Variants in TCOF1 observed in about 807,000 individuals in gnomAD.
The protein encoded by TCOF1 is treacle protein.
Under a neutral mutation model 149.0 loss-of-function variants are expected in TCOF1, and 33 were observed. The ratio of observed to expected loss-of-function variants is 0.22; its 90% CI spans 0.17 to 0.30. The LOEUF (loss-of-function observed/expected upper bound fraction) is 0.30. TCOF1 is among the 10% of genes least tolerant of loss of function. The pLI is 1.00. For synonymous variants in TCOF1, 789 were observed against 738.8 expected, an observed-to-expected ratio of 1.07 and a Z score of -1.10; for missense variants, 1,728 against 1,840.7, an observed-to-expected ratio of 0.94 and a Z score of 1.12.
chr5:150,375,095 G>T lies in TCOF1; in HGVS notation c.1420G>T (p.Asp474Tyr). 1 of 1,614,164 alleles carries T rather than the reference G, an allele frequency of 6.2e-7. No homozygotes were observed. Among genetic ancestry groups the T allele is most frequent in the African/African-American group, 1.3e-5 (1 of 75,056 alleles). The change falls in exon 10 of 27, where the codon GAC becomes TAC. Residue 474 changes from aspartate (D) to tyrosine (Y), a missense_variant. Physicochemically the swap from Asp to Tyr is radical, Grantham distance 160 (BLOSUM62 -3). Around this residue, in one of 2 missense-constraint regions of TCOF1, gnomAD observed 1,696 missense variants for 1,765.4 expected, o/e 0.96. Coordinates refer to ENST00000643257, the MANE Select transcript of TCOF1 (RefSeq NM_001371623.1). ...AQVQVGKQEE[D>Y]SRSSSEESDS... ...GGTCCAGGTGGGGAAGCAGGAGGAG[G>T]ACTCAAGAAGCAGCAGCGAGGAGTC...
intron 19 of TCOF1, among the ~76,000 whole-genome samples, chr5:150,390,820 A>G (rs1394017611): frequency 1.3e-5 from 2 of 152,174 alleles, no homozygotes; most frequent in Non-Finnish European, 2.9e-5. Flanking sequence ...CCCTAGGGAT[A>G]CTGCAGGAAC....
At position 150,375,805 on chromosome 5, in the gene TCOF1, G is replaced by A. The variant is rs147742838; in HGVS notation, c.1789G>A (p.Val597Ile). ...GPPQKAGPVA[V>I]QVKAEKPMDN... Reference sequence around the variant, plus strand: ...CCCTCAGAAGGCAGGGCCTGTAGCCGTCCAGGTCAAGGCTGAAAAGCCCAT... The same window carrying A: ...CCCTCAGAAGGCAGGGCCTGTAGCCATCCAGGTCAAGGCTGAAAAGCCCAT... The change falls in exon 12 of 27, where the codon GTC becomes ATC. Residue 597 changes from valine (V) to isoleucine (I), a missense_variant. Physicochemically the swap from Val to Ile is conservative, Grantham distance 29 (BLOSUM62 3). Coordinates refer to ENST00000643257, the MANE Select transcript of TCOF1 (RefSeq NM_001371623.1). 4.8e-5 allele frequency: 78 copies of A among 1,614,114 alleles called. 1 individual carries two copies. Among genetic ancestry groups the A allele is most frequent in the South Asian group, 3.6e-4 (33 of 91,090 alleles).
intron 2 of TCOF1, among the ~76,000 whole-genome samples, chr5:150,362,260 G>A (rs1297152125): frequency 6.6e-6 from 1 of 152,160 alleles, no homozygotes; most frequent in Non-Finnish European, 1.5e-5. Flanking sequence ...CAAGGAAGGG[G>A]GAATCATCCA....
chr5:150,396,935 C>G, intron 24 of TCOF1, 93 bp downstream of exon 24: 1 of 1,431,982 alleles, frequency 7.0e-7, no homozygotes, highest in Non-Finnish European at 9.6e-7. Context: ...TCTCATTCCT[C>G]CCATGTAGAA....
Position 150,374,348 on chromosome 5 carries a change from A to G in TCOF1, c.1045A>G (p.Ser349Gly), listed in dbSNP as rs763919102. ...GAGCAGCAGCGAGGAGTCATCTGAC[A>G]GTGAGGAGGAGACGCCAGCTGCCAA... The part of the protein sequence containing the change: ...SESSSEESSD[S>G]EEETPAAKAL... The change falls in exon 8 of 27, where the codon AGT becomes GGT. Residue 349 changes from serine (S) to glycine (G), a missense_variant. By Grantham distance (56) the Ser-to-Gly change is moderately conservative (BLOSUM62 0). Around this residue, in one of 2 missense-constraint regions of TCOF1, gnomAD observed 1,696 missense variants for 1,765.4 expected, o/e 0.96. Coordinates refer to ENST00000643257, the MANE Select transcript of TCOF1 (RefSeq NM_001371623.1). The G allele has an allele frequency of 4.6e-5, 72 of 1,561,700 alleles. No individual in the cohort carries two copies. In the East Asian group the frequency reaches 1.7e-3, roughly 37 times the overall value.
intron 19 of TCOF1, among the ~76,000 whole-genome samples, chr5:150,391,037 G>A (rs1294721460): frequency 6.6e-6 from 1 of 152,230 alleles, no homozygotes; most frequent in Non-Finnish European, 1.5e-5. Context: ...CACAGGATGA[G>A]CTGGGCCACC....
rs948601159 is a variant in TCOF1, at chr5:150,359,808, A to G, written c.109-1348A>G. Among the ~76,000 whole-genome samples, 4 of 152,208 alleles carry G rather than the reference A, an allele frequency of 2.6e-5. No individual in the cohort carries two copies. The South Asian group carries it at 6.2e-4, about 24-fold the overall frequency. On this transcript the variant is annotated intron_variant, in intron 1 of 26. Coordinates refer to ENST00000643257, the MANE Select transcript of TCOF1 (RefSeq NM_001371623.1). ...AAGTTTAATAAGTTAATGATATAGT[A>G]TATCCAATGATAGTTGGTGCTTGCT...
At chr5:150,384,589 C>T (rs944136620) in intron 17 of TCOF1, 3 of 985,364 alleles carry the variant, frequency 3.0e-6, no homozygotes, top group Non-Finnish European at 3.6e-6. Flanking sequence ...CCCCCTTTCT[C>T]TGTGGGGGTG....
In TCOF1 at chr5:150,388,015, G is replaced by A. The variant is rs1208856937; in HGVS notation, c.2973G>A (p.Glu991=). Residue 991 remains glutamate (E), a synonymous_variant, in exon 18 of 27, where the codon GAG becomes GAA. Transcript: ENST00000643257. ...CCCCGAGGAAGGCCCGAGCCTCGGA[G>A]AGCACAGCCAGGAGCTCCTCCTCCG... ...ASTPRKARAS[E]STARSSSSES... The A allele has an allele frequency of 6.2e-7, 1 of 1,613,864 alleles. No homozygotes were observed. The highest frequency in any genetic ancestry group is 8.5e-7 in the Non-Finnish European group (1 of 1,180,040).
rs587776583 is a variant in TCOF1, at chr5:150,375,484, CAG to C, written c.1639_1640del (p.Ser547GlnfsTer2). The C allele has an allele frequency of 6.2e-7, 1 of 1,614,040 alleles. No individual in the cohort carries two copies. The highest frequency in any genetic ancestry group is 1.3e-5 in the African/African-American group (1 of 74,928). On this transcript the variant is annotated frameshift_variant, in exon 11 of 27. Coordinates refer to ENST00000643257, the MANE Select transcript of TCOF1 (RefSeq NM_001371623.1). LOFTEE classifies it high-confidence loss of function. ...CAGGTGGGGAAGTGGGAGGAGGACTCAGAGAGCAGTAGTGAGGAGTCATCAGA... is the reference window on the plus strand; with the variant it reads ...CAGGTGGGGAAGTGGGAGGAGGACTCAGAGCAGTAGTGAGGAGTCATCAGA...
At chr5:150,370,722 T>C (rs1011245034) in intron 6 of TCOF1, among the ~76,000 whole-genome samples, 2 of 152,182 alleles carry the variant, frequency 1.3e-5, no homozygotes, top group Non-Finnish European at 2.9e-5. Flanking sequence ...AGTGCAGCAC[T>C]CTGGGAGGCC....
rs574602226 is a variant in TCOF1 at position 150,364,130 on chromosome 5, G to A, written c.182G>A (p.Arg61Gln). The A allele has an allele frequency of 1.7e-5, 28 of 1,614,104 alleles. No individual in the cohort carries two copies. Among genetic ancestry groups the A allele is most frequent in the East Asian group, 4.5e-5 (2 of 44,886 alleles). Reference sequence around the variant, plus strand: ...TCCTGCAGAACCTCAGAGCTTGGTCGGAAGCGGAAGGCAGAGGAAGATGCG... The same window carrying A: ...TCCTGCAGAACCTCAGAGCTTGGTCAGAAGCGGAAGGCAGAGGAAGATGCG... ...THWQQTSELG[R>Q]KRKAEEDAAL... is the part of the protein sequence containing the mutation. The change falls in exon 3 of 27, where the codon CGG (arginine) becomes CAG (glutamine). Residue 61 changes from arginine to glutamine, a missense_variant. By Grantham distance (43) the Arg-to-Gln change is conservative (BLOSUM62 1). This residue lies in a region of TCOF1 where 1,696 missense variants were observed against 1,765.4 expected (regional missense o/e 0.96). Coordinates refer to ENST00000643257, the MANE Select transcript of TCOF1 (RefSeq NM_001371623.1).
rs779040869 is a variant in TCOF1, at chr5:150,379,600, A to G, written c.2727A>G (p.Lys909=). The part of the protein sequence containing the change: ...ALAPAKESPR[K]GAAPTPPGKT... ...CTCCTGCCAAGGAGTCCCCCAGGAA[A>G]GGGGCTGCCCCAACACCTCCTGGGA... Residue 909 remains lysine, a synonymous_variant, in exon 17 of 27, where the codon AAA becomes AAG. Transcript: ENST00000643257. 3.7e-6 allele frequency: 6 copies of G among 1,614,200 alleles called. No individual in the cohort carries two copies. The highest frequency in any genetic ancestry group is 3.3e-5 in the Admixed American group (2 of 60,034).
At chr5:150,362,679 A>G (rs1351239277) in intron 2 of TCOF1, among the ~76,000 whole-genome samples, 8 of 152,102 alleles carry the variant, frequency 5.3e-5, no homozygotes, top group Admixed American at 1.3e-4. Context: ...TCTGGTGGAG[A>G]GCTAAGGTCT....
At chr5:150,364,520 T>G (rs1403538595) in intron 3 of TCOF1, among the ~76,000 whole-genome samples, 1 of 152,176 alleles carries the variant, frequency 6.6e-6, no homozygotes, top group East Asian at 1.9e-4. Flanking sequence ...AGCTGCCCTA[T>G]TACAGGCTCC....
Position 150,392,035 on chromosome 5 carries a change from A to G in TCOF1, c.3376A>G (p.Arg1126Gly). 1 of 1,614,076 alleles carries G rather than the reference A, an allele frequency of 6.2e-7. No homozygotes were observed. The highest frequency in any genetic ancestry group is 8.5e-7 in the Non-Finnish European group (1 of 1,179,878). The change falls in exon 21 of 27, where the codon AGA becomes GGA. Residue 1126 changes from arginine to glycine, a missense_variant. Physicochemically the swap from Arg to Gly is moderately radical, Grantham distance 125. Coordinates refer to ENST00000643257, the MANE Select transcript of TCOF1 (RefSeq NM_001371623.1). Reference sequence around the variant, plus strand: ...CCAGGCCAAAGGGACCAACAAGCTCAGAAAACCTAAGCTTCCTGAGGTCCA... The same window carrying G: ...CCAGGCCAAAGGGACCAACAAGCTCGGAAAACCTAAGCTTCCTGAGGTCCA... Reference protein sequence around the residue: ...SVQAKGTNKLRKPKLPEVQQA... With the variant: ...SVQAKGTNKLGKPKLPEVQQA...
At chr5:150,364,467 C>T (rs994224944) in intron 3 of TCOF1, among the ~76,000 whole-genome samples, 17 of 152,200 alleles carry the variant, frequency 1.1e-4, no homozygotes, top group African/African-American at 3.6e-4. Flanking sequence ...ACCAAAACAA[C>T]CAGATGGGCC....
chr5:150,389,975 G>A lies in TCOF1; in HGVS notation c.3135G>A (p.Glu1045=). Residue 1045 remains glutamate (E), a synonymous_variant, in exon 19 of 27, where the codon GAG becomes GAA. Coordinates refer to ENST00000643257, the MANE Select transcript of TCOF1 (RefSeq NM_001371623.1). ...ASMAGASSSK[E]SSRISDGKKQ... ...TGGCTGGGGCCAGCAGCAGCAAGGA[G>A]TCCAGTCGGATATCAGATGGCAAGA... 1.2e-6 allele frequency: 2 copies of A among 1,614,110 alleles called. No homozygotes were observed. Among genetic ancestry groups the A allele is most frequent in the Non-Finnish European group, 1.7e-6 (2 of 1,180,012 alleles).
Position 150,379,389 on chromosome 5 carries a change from A to T in TCOF1, c.2639A>T (p.Glu880Val), listed in dbSNP as rs748490887. The part of the protein sequence containing the change: ...SSEEESDSEE[E>V]AETLAQVKPS... ...GAGGAGGAGTCAGACAGTGAGGAGG[A>T]GGCGGAGACGCTGGCTCAGGTGAGG... The change falls in exon 16 of 27, where the codon GAG becomes GTG. Residue 880 changes from glutamate (E) to valine (V), a missense_variant. Glu to Val is a moderately radical substitution (Grantham distance 121, BLOSUM62 -2). Transcript: ENST00000643257. 1.2e-6 allele frequency: 2 copies of T among 1,614,062 alleles called. No individual in the cohort carries two copies. The highest frequency in any genetic ancestry group is 3.3e-5 in the Admixed American group (2 of 60,030).
Sources: gnomAD v4.1 joint callset for allele counts (sites outside exome capture counted in the v4.1 genomes callset) on GRCh38, gnomAD v4.1.1 for gene constraint, gnomAD v4.1.1 regional missense constraint, MANE v1.5 for transcripts, NCBI Gene and HGNC (gene_info 2026-07-23, HGNC 2026-07-21) for gene names.